CACNA2D1: variants seen among roughly 807,000 people sequenced by gnomAD.
CACNA2D1 encodes the protein calcium voltage-gated channel auxiliary subunit alpha2delta 1.
Under a neutral mutation model 171.5 loss-of-function variants are expected in CACNA2D1, and 53 were observed. The observed-to-expected ratio is 0.31, with a 90% CI of 0.25 to 0.39. The LOEUF is 0.39. Ranked by LOEUF, CACNA2D1 falls within the 10% of genes least tolerant of loss-of-function variation. CACNA2D1 has a pLI of 1.00. For missense variants in CACNA2D1, 903 were observed against 1,299.8 expected (o/e 0.69, Z 4.69); for synonymous variants, 442 against 443.1 (o/e 1.00, Z 0.03).
intron 3 of CACNA2D1, among the ~76,000 whole-genome samples, chr7:82,191,935 TATC>T (rs775737262): frequency 1.3e-5 from 2 of 151,828 alleles, no homozygotes; most frequent in Non-Finnish European, 3.0e-5. Context: ...GAATGATTAT[TATC>T]ATCTATTGTG....
intron 3 of CACNA2D1, among the ~76,000 whole-genome samples, chr7:82,273,592 A>C (rs1322536498): frequency 6.6e-6 from 1 of 152,126 alleles, no homozygotes; most frequent in Non-Finnish European, 1.5e-5. Flanking sequence ...GCCTCAAGTG[A>C]TCCTCCTGCT....
intron 3 of CACNA2D1, among the ~76,000 whole-genome samples, chr7:82,277,278 T>C (rs1041016751): frequency 2.6e-5 from 4 of 151,726 alleles, no homozygotes; most frequent in East Asian, 2.0e-4. Context: ...TCTCGGCTCA[T>C]TGCAACCTCC....
At chr7:82,231,509 T>C (rs536993087) in intron 3 of CACNA2D1, among the ~76,000 whole-genome samples, 1 of 152,258 alleles carries the variant, frequency 6.6e-6, no homozygotes, top group South Asian at 2.1e-4. Flanking sequence ...AAAGGTATGT[T>C]TTGAGGGGAC....
intron 3 of CACNA2D1, among the ~76,000 whole-genome samples, chr7:82,192,553 A>C (rs1468677729): frequency 1.3e-5 from 2 of 151,202 alleles, no homozygotes; most frequent in Non-Finnish European, 3.0e-5. Context: ...AATCCTTGAG[A>C]AATATCTGTG....
At chr7:82,253,273 T>C (rs184885868) in intron 3 of CACNA2D1, among the ~76,000 whole-genome samples, 31 of 152,240 alleles carry the variant, frequency 2.0e-4, no homozygotes, top group Middle Eastern at 3.4e-3. Flanking sequence ...ATGAATCAAA[T>C]CACAGGGCTG....
intron 1 of CACNA2D1, among the ~76,000 whole-genome samples, chr7:82,363,075 A>G (rs1585658580): frequency 1.3e-5 from 2 of 152,202 alleles, no homozygotes; most frequent in Non-Finnish European, 1.5e-5. Context: ...TAATTTTTCA[A>G]TGATTATTAT....
intron 3 of CACNA2D1, among the ~76,000 whole-genome samples, chr7:82,227,213 T>C (rs1176439996): frequency 6.6e-6 from 1 of 152,120 alleles, no homozygotes; most frequent in Admixed American, 6.6e-5. Flanking sequence ...AATTTCAGTC[T>C]GAAAGAACAA....
intron 3 of CACNA2D1, among the ~76,000 whole-genome samples, chr7:82,276,236 A>C (rs2129360966): frequency 6.6e-6 from 1 of 152,334 alleles, no homozygotes; most frequent in Non-Finnish European, 1.5e-5. Context: ...TATTTGGGGA[A>C]TTTCCCAAGA....
intron 3 of CACNA2D1, among the ~76,000 whole-genome samples, chr7:82,174,463 T>G (rs569029859): frequency 6.6e-6 from 1 of 152,180 alleles, no homozygotes; most frequent in South Asian, 2.1e-4. Flanking sequence ...CCCTACCTAC[T>G]TATTGGTTTG....
intron 5 of CACNA2D1, among the ~76,000 whole-genome samples, chr7:82,125,552 GTTTAT>G (rs1790236251): frequency 6.6e-6 from 1 of 151,882 alleles, no homozygotes; most frequent in Admixed American, 6.6e-5. Context: ...TTTCCCCTCA[GTTTAT>G]TTTAACATCT....
At chr7:82,343,056 C>A (rs554266093) in intron 2 of CACNA2D1, 2 of 152,268 alleles carry the variant, frequency 1.3e-5, no homozygotes, top group South Asian at 4.2e-4. Context: ...ATACATACCA[C>A]ATATACACAC....
intron 4 of CACNA2D1, among the ~76,000 whole-genome samples, chr7:82,145,608 T>C (rs1012461841): frequency 3.7e-4 from 54 of 144,596 alleles, no homozygotes; most frequent in African/African-American, 1.3e-3. Flanking sequence ...TTATATATTT[T>C]ACATATATTA....
rs764990586 is a variant in CACNA2D1 at position 82,146,983 on chromosome 7, C to CAAAAAAAAA, written c.355-10316_355-10308dup. ...CTGGGTGATAGCAAGACTCCCATCT[C>CAAAAAAAAA]AAAAAAAAAAAAAAAAAAAAAAAAA... is the stretch of plus-strand genomic sequence containing the variant. On this transcript the variant is annotated intron_variant, in intron 4 of 38. Coordinates refer to ENST00000356860, the MANE Select transcript of CACNA2D1 (RefSeq NM_000722.4). Among the ~76,000 whole-genome samples, 18 of 25,502 alleles carry CAAAAAAAAA rather than the reference C, an allele frequency of 7.1e-4. 2 individuals carry two copies. Among genetic ancestry groups the CAAAAAAAAA allele is most frequent in the Admixed American group, 8.4e-4 (1 of 1,190 alleles). The allele number at this position is 25,502 out of a possible 152,430, so 16.7% of individuals were successfully genotyped here. A position where few individuals can be genotyped will look rare whatever the true frequency, so the allele number is the denominator to read the frequency against.
chr7:82,434,050 C>G (rs913315502), intron 1 of CACNA2D1, among the ~76,000 whole-genome samples: 2 of 152,186 alleles, frequency 1.3e-5, no homozygotes, highest in East Asian at 3.9e-4. Context: ...CATAATCCCT[C>G]GCAACCATTC....
At chr7:82,008,378 GAAGAA>G (rs1799365051) in intron 15 of CACNA2D1, among the ~76,000 whole-genome samples, 1 of 152,068 alleles carries the variant, frequency 6.6e-6, no homozygotes, top group African/African-American at 2.4e-5. Flanking sequence ...GTAAAATTAT[GAAGAA>G]AAGACAACTG....
chr7:82,108,304 A>G (rs973616413), intron 6 of CACNA2D1, among the ~76,000 whole-genome samples: 2 of 152,184 alleles, frequency 1.3e-5, no homozygotes, highest in Non-Finnish European at 2.9e-5. Context: ...TGAACCTCCA[A>G]AGAAGTAGCT....
At chr7:82,292,618 T>C (rs1811785805) in intron 3 of CACNA2D1, among the ~76,000 whole-genome samples, 1 of 152,188 alleles carries the variant, frequency 6.6e-6, no homozygotes, top group South Asian at 2.1e-4. Context: ...TCCAGTGTTA[T>C]TAAAAAGTCT....
intron 3 of CACNA2D1, among the ~76,000 whole-genome samples, chr7:82,301,665 A>C (rs1013446701): frequency 1.2e-4 from 18 of 151,850 alleles, no homozygotes; most frequent in African/African-American, 4.3e-4. Context: ...ATTCTTTTTT[A>C]AATAAATTTT....
At chr7:82,347,253 C>G (rs1032835957) in intron 2 of CACNA2D1, among the ~76,000 whole-genome samples, 4 of 152,088 alleles carry the variant, frequency 2.6e-5, no homozygotes, top group African/African-American at 9.7e-5. Context: ...GCAATTTTCA[C>G]TAAATTGCAA....
Sources: gnomAD v4.1 joint callset for allele counts (sites outside exome capture counted in the v4.1 genomes callset) on GRCh38, gnomAD v4.1.1 for gene constraint, MANE v1.5 for transcripts, NCBI Gene and HGNC (gene_info 2026-07-23, HGNC 2026-07-21) for gene names.